FOXP3: variants seen among roughly 807,000 people sequenced by gnomAD.
FOXP3 encodes forkhead box protein P3.
Under a neutral mutation model 31.2 loss-of-function variants are expected in FOXP3, and 5 were observed. The observed-to-expected ratio is 0.16, with a 90% CI of 0.08 to 0.34. The LOEUF (loss-of-function observed/expected upper bound fraction) is 0.34, where lower values mean the gene tolerates loss of function less well. Among genes scored for constraint, FOXP3 ranks in the 10% least tolerant of loss-of-function variants. The pLI, the probability that FOXP3 is intolerant of heterozygous loss-of-function variation, is 1.00. For missense variants in FOXP3, 251 were observed against 363.0 expected (o/e 0.69, Z 2.51); for synonymous variants, 141 against 148.8 (o/e 0.95, Z 0.38).
chrX:49,258,645 C>T (rs782215585), intron 1 of FOXP3, 118 bp from the exon 2 acceptor site: 64 of 545,332 alleles, frequency 1.2e-4, no homozygotes, highest in Middle Eastern at 5.7e-4. Flanking sequence ...GGACATGTCC[C>T]GAGGGGCCCC....
intron 1 of FOXP3, chrX:49,259,115 T>C (rs1557116869): frequency 5.4e-5 from 28 of 516,316 alleles, no homozygotes; most frequent in Non-Finnish European, 1.1e-5. Context: ...AGACTTAATC[T>C]GAAGCTGGAT....
At position 49,251,015 on chromosome X, in the gene FOXP3, G is replaced by A. The variant is rs2066026169; in HGVS notation, c.*319C>T. ...TTTCCAGCCCTGAAGTAATCTGTGC[G>A]AGCAGCTGAGGCAGGCTCTGTGTGG... is the stretch of plus-strand genomic sequence containing the variant. On this transcript the variant is annotated 3_prime_UTR_variant, in exon 12 of 12. Transcript: ENST00000376207. The A allele has an allele frequency of 8.1e-6, 3 of 369,928 alleles. No individual in the cohort carries two copies. The highest frequency in any genetic ancestry group is 1.4e-5 in the Non-Finnish European group (3 of 208,920). The allele number at this position is 369,928 out of a possible 1,213,427, so 30.5% of individuals were successfully genotyped here.
chrX:49,253,808 T>C, intron 9 of FOXP3, 109 bp downstream of exon 9: 1 of 839,647 alleles, frequency 1.2e-6, no homozygotes, highest in South Asian at 2.3e-5. Context: ...GCAGCTGCAG[T>C]GGTGGTGGTG....
chrX:49,256,629 G>T (rs1167934748), intron 6 of FOXP3, 122 bp downstream of exon 6: 1 of 587,202 alleles, frequency 1.7e-6, no homozygotes, highest in Admixed American at 2.6e-5. Context: ...TGAACCCACA[G>T]TCTCAGAGTT....
chrX:49,256,684 G>A, intron 6 of FOXP3, 67 bp downstream of exon 6: 1 of 938,676 alleles, frequency 1.1e-6, no homozygotes, highest in Non-Finnish European at 1.5e-6. Flanking sequence ...CCTGAGCTGA[G>A]ATCTGCACCC....
At chrX:49,256,231 AG>A (rs1569529738) in intron 6 of FOXP3, among the ~76,000 whole-genome samples, 2 of 23,400 alleles carry the variant, frequency 8.5e-5, no homozygotes, top group Non-Finnish European at 1.5e-4. Context: ...AGAGAGAGAG[AG>A]AGAGAGAGAG....
chrX:49,255,910 C>A, intron 6 of FOXP3, 108 bp from the exon 7 acceptor site: 1 of 658,186 alleles, frequency 1.5e-6, no homozygotes. Context: ...CTCTGAGCCC[C>A]AGCTCCCCTC....
chrX:49,253,323 G>C (rs1557115824), intron 9 of FOXP3, 121 bp from the exon 10 acceptor site: 5 of 552,842 alleles, frequency 9.0e-6, no homozygotes, highest in Non-Finnish European at 1.6e-5. Flanking sequence ...CGTGTCCACG[G>C]GCACAGGTAC....
In FOXP3 at chrX:49,257,518, G is replaced by A. The variant is rs56409830; in HGVS notation, c.363C>T (p.His121=). 7 of 1,167,278 alleles carry A rather than the reference G, an allele frequency of 6.0e-6. No individual in the cohort carries two copies. Among genetic ancestry groups the A allele is most frequent in the East Asian group, 3.0e-5 (1 of 33,253 alleles). ...TGATCATGGCTGGGCTCTCCAGGGG[G>A]TGCACCTGCAGCACAGGGGTCCGGG... ...AHARTPVLQV[H]PLESPAMISL... The change falls in exon 4 of 12, where the codon CAC becomes CAT. Residue 121 remains histidine (H), a synonymous_variant. Transcript: ENST00000376207.
chrX:49,263,800 G>A (rs1185356319), intron 1 of FOXP3, among the ~76,000 whole-genome samples: 1 of 111,242 alleles, frequency 9.0e-6, no homozygotes, highest in African/African-American at 3.3e-5. Context: ...TGCAGTCCTG[G>A]GGTAGGTCCA....
Position 49,256,778 on chromosome X carries a change from A to G in FOXP3, c.620T>C (p.Val207Ala). The G allele has an allele frequency of 1.7e-6, 2 of 1,211,728 alleles. No individual in the cohort carries two copies. Among genetic ancestry groups the G allele is most frequent in the South Asian group, 1.8e-5 (1 of 57,030 alleles). Reference protein sequence around the residue: ...GVCKWPGCEKVFEEPEDFLKH... With the variant: ...GVCKWPGCEKAFEEPEDFLKH... ...GAGGAAGTCCTCTGGCTCTTCGAAG[A>G]CCTTCTCACATCCGGGCCACTTGCA... is the stretch of plus-strand genomic sequence containing the variant. The change falls in exon 6 of 12, where the codon GTC becomes GCC. Residue 207 changes from valine (V) to alanine (A), a missense_variant. By Grantham distance (64) the Val-to-Ala change is moderately conservative. Around this residue, in one of 4 missense-constraint regions of FOXP3, gnomAD observed 152 missense variants for 188.1 expected, o/e 0.81. Transcript: ENST00000376207.
chrX:49,258,651 G>T (rs1314379699), intron 1 of FOXP3, 124 bp from the exon 2 acceptor site: 3 of 516,948 alleles, frequency 5.8e-6, no homozygotes, highest in African/African-American at 4.9e-5. Flanking sequence ...GTCCCGAGGG[G>T]CCCCATAGTT....
intron 7 of FOXP3, 62 bp from the exon 8 acceptor site, chrX:49,255,571 G>A (rs2066064324): frequency 3.6e-6 from 4 of 1,122,503 alleles, no homozygotes; most frequent in East Asian, 6.4e-5. Flanking sequence ...CTTTGCCCAG[G>A]CTACGGTCTT....
rs781966644 is a variant in FOXP3, at chrX:49,251,778, G to A, written c.1045-13C>T. 1 of 1,199,244 alleles carries A rather than the reference G, an allele frequency of 8.3e-7. No individual in the cohort carries two copies. The highest frequency in any genetic ancestry group is 1.1e-6 in the Non-Finnish European group (1 of 894,641). On this transcript the variant is annotated splice_polypyrimidine_tract_variant and intron_variant, in intron 10 of 11. Coordinates refer to ENST00000376207, the MANE Select transcript of FOXP3 (RefSeq NM_014009.4). ...CCTCCAGGATGGCCTGGAAGTTGGGGGGTGGGGTAAGGGGCACATTCCCCA... is the reference window on the plus strand; with the variant it reads ...CCTCCAGGATGGCCTGGAAGTTGGGAGGTGGGGTAAGGGGCACATTCCCCA...
At position 49,251,079 on chromosome X, in the gene FOXP3, G is replaced by C. The variant is rs1412270459; in HGVS notation, c.*255C>G. 9.1e-5 allele frequency: 38 copies of C among 418,098 alleles called. No individual in the cohort carries two copies. The highest frequency in any genetic ancestry group is 7.2e-4 in the African/African-American group (28 of 38,676). The allele number at this position is 418,098 out of a possible 1,213,427, so 34.5% of individuals were successfully genotyped here. On this transcript the variant is annotated 3_prime_UTR_variant, in exon 12 of 12. Coordinates refer to ENST00000376207, the MANE Select transcript of FOXP3 (RefSeq NM_014009.4). ...CTCTGTTTGGCTGCAGGGCTCGACT[G>C]GGGGGTGTGTCTGGGGCGGAGGTGG...
chrX:49,255,394 C>T, intron 8 of FOXP3, 35 bp downstream of exon 8: 1 of 1,166,363 alleles, frequency 8.6e-7, no homozygotes. Context: ...CCCCAGCAGT[C>T]TGAGTCTGCC....
intron 10 of FOXP3, 48 bp from the exon 11 acceptor site, chrX:49,251,813 T>C: frequency 8.4e-7 from 1 of 1,187,577 alleles, no homozygotes; most frequent in Non-Finnish European, 1.1e-6. Context: ...AAACTTGGGG[T>C]TTAGAGGGGC....
intron 6 of FOXP3, among the ~76,000 whole-genome samples, chrX:49,256,212 GAGAGAGAA>G (rs1479093359): frequency 1.0e-4 from 8 of 78,464 alleles, no homozygotes; most frequent in Admixed American, 3.1e-4. Context: ...GTGTGTGAGA[GAGAGAGAA>G]AGAGAGAGAG....
chrX:49,260,710 G>A (rs1268764514), intron 1 of FOXP3, among the ~76,000 whole-genome samples: 1 of 112,799 alleles, frequency 8.9e-6, no homozygotes, highest in Non-Finnish European at 1.9e-5. Context: ...ATGTTTCTGG[G>A]ACACAGATTA....
Sources: allele counts gnomAD v4.1 joint callset (sites outside exome capture counted in the v4.1 genomes callset), GRCh38; gene constraint gnomAD v4.1.1; regional missense constraint gnomAD v4.1.1; transcripts MANE v1.5; gene names NCBI Gene and HGNC (gene_info 2026-07-23, HGNC 2026-07-21).